PPP2R5A: variants seen among roughly 807,000 people sequenced by gnomAD.
The protein encoded by PPP2R5A is protein phosphatase 2 regulatory subunit B'alpha, also known as serine/threonine-protein phosphatase 2A 56 kDa regulatory subunit alpha isoform.
In PPP2R5A, 25 loss-of-function variants were observed where a neutral mutation model predicts 64.2. The ratio of observed to expected loss-of-function variants is 0.39; its 90% confidence interval spans 0.28 to 0.54. PPP2R5A has a LOEUF of 0.54. Ranked by LOEUF, PPP2R5A falls within the 20% of genes least tolerant of loss-of-function variation. PPP2R5A has a pLI of 0.67. For synonymous variants in PPP2R5A, 198 were observed against 201.2 expected, an observed-to-expected ratio of 0.98 and a Z score of 0.13; for missense variants, 425 against 576.3, an observed-to-expected ratio of 0.74 and a Z score of 2.69.
intron 11 of PPP2R5A, among the ~76,000 whole-genome samples, chr1:212,357,676 G>A (rs980630586): frequency 2.0e-4 from 31 of 152,056 alleles, no homozygotes; most frequent in East Asian, 1.9e-4. Context: ...GGTGGCGGGC[G>A]CCTGTGGTCC....
At chr1:212,300,521 A>G (rs1658783191) in intron 1 of PPP2R5A, among the ~76,000 whole-genome samples, 1 of 152,228 alleles carries the variant, frequency 6.6e-6, no homozygotes. Context: ...TAACAATGGT[A>G]GAAAGTAAAA....
intron 1 of PPP2R5A, among the ~76,000 whole-genome samples, chr1:212,301,563 C>T (rs778568521): frequency 2.6e-5 from 4 of 152,128 alleles, no homozygotes; most frequent in Admixed American, 6.5e-5. Flanking sequence ...AATCACAGAA[C>T]CTTAATAAGT....
At chr1:212,322,166 G>GGGGAGACCGTGGAAAGAGAGGGAGA (rs1453581900) in intron 1 of PPP2R5A, among the ~76,000 whole-genome samples, 1 of 150,320 alleles carries the variant, frequency 6.7e-6, no homozygotes, top group East Asian at 2.0e-4. Flanking sequence ...TCAGCATCAG[G>GGGGAGACCGTGGAAAGAGAGGGAGA]GGGAGACCGT....
chr1:212,288,872 T>TAC (rs10657699), intron 1 of PPP2R5A, among the ~76,000 whole-genome samples: 126,515 of 152,066 alleles, frequency 0.83, 53,053 homozygotes, highest in African/African-American at 0.94. Flanking sequence ...CTGCTTATGT[T>TAC]ACTTTGACCA....
At chr1:212,311,565 C>G (rs1328898169) in intron 1 of PPP2R5A, among the ~76,000 whole-genome samples, 1 of 151,566 alleles carries the variant, frequency 6.6e-6, no homozygotes, top group Non-Finnish European at 1.5e-5. Flanking sequence ...CTATTTTTAT[C>G]ATTATTTTAG....
chr1:212,341,797 C>G (rs370874096), intron 3 of PPP2R5A, among the ~76,000 whole-genome samples: 1 of 151,994 alleles, frequency 6.6e-6, no homozygotes. Context: ...TGCAGTGGTA[C>G]GGCACAGTCA....
chr1:212,316,097 A>G (rs1177565181), intron 1 of PPP2R5A, among the ~76,000 whole-genome samples: 2 of 152,200 alleles, frequency 1.3e-5, no homozygotes, highest in Admixed American at 6.5e-5. Context: ...GATTAGGCCA[A>G]TTAAATACCT....
chr1:212,333,401 C>CTT (rs1376325333), intron 2 of PPP2R5A, 96 bp from the exon 3 acceptor site: 1 of 740,136 alleles, frequency 1.4e-6, no homozygotes, highest in Non-Finnish European at 2.0e-6. Context: ...ACAGCTATAA[C>CTT]TTTTTTCTGA....
intron 1 of PPP2R5A, among the ~76,000 whole-genome samples, chr1:212,321,383 C>T (rs1338530985): frequency 3.3e-5 from 5 of 151,928 alleles, no homozygotes; most frequent in Admixed American, 2.0e-4. Context: ...CCCCACCTCC[C>T]TCCCAGACGG....
At chr1:212,303,602 G>A (rs1287849834) in intron 1 of PPP2R5A, among the ~76,000 whole-genome samples, 1 of 151,672 alleles carries the variant, frequency 6.6e-6, no homozygotes, top group Non-Finnish European at 1.5e-5. Flanking sequence ...TCATTTCTAA[G>A]GATCCTTTCC....
chr1:212,342,342 T>C lies in PPP2R5A; in HGVS notation c.573+62T>C. The C allele has an allele frequency of 1.1e-5, 17 of 1,553,126 alleles. No individual in the cohort carries two copies. In the South Asian group the frequency reaches 1.2e-4, roughly 11 times the overall value. ...ATCTTAGCAATGATTTATTAACTTA[T>C]TATTAAAATAGTGTAGTCTTTCAAA... On this transcript the variant is annotated intron_variant, in intron 4 of 12. Transcript: ENST00000261461.
At chr1:212,294,062 AT>A (rs1658650125) in intron 1 of PPP2R5A, among the ~76,000 whole-genome samples, 1 of 152,244 alleles carries the variant, frequency 6.6e-6, no homozygotes, top group Non-Finnish European at 1.5e-5. Context: ...TGAAACAAGA[AT>A]TTTTAAATGG....
chr1:212,339,946 C>T (rs1659658758), intron 3 of PPP2R5A, among the ~76,000 whole-genome samples: 1 of 142,196 alleles, frequency 7.0e-6, no homozygotes, highest in South Asian at 2.3e-4. Context: ...TAATTCCATA[C>T]CATCAACCTA....
Position 212,285,996 on chromosome 1 carries a change from C to CGGGGCGCA in PPP2R5A, c.-107_-100dup, listed in dbSNP as rs1399198849. On this transcript the variant is annotated 5_prime_UTR_variant, in exon 1 of 13. Transcript: ENST00000261461. ...TCCCGGGGCCGGAGGGCCGTGGGGC[C>CGGGGCGCA]GGGGCGCAGGGGCGCGAGCACCCCG... 17 of 1,132,536 alleles carry CGGGGCGCA rather than the reference C, an allele frequency of 1.5e-5. No individual in the cohort carries two copies. The highest frequency in any genetic ancestry group is 2.3e-5 in the South Asian group (1 of 44,088). 70.2% of individuals were successfully genotyped at this position (1,132,536 alleles called of 1,614,324 possible).
At chr1:212,319,587 GATTT>G (rs1659222607) in intron 1 of PPP2R5A, 1 of 150,524 alleles carries the variant, frequency 6.6e-6, no homozygotes, top group South Asian at 2.1e-4. Flanking sequence ...ACATTTAACA[GATTT>G]ATTATGTGTT....
chr1:212,292,077 A>G (rs1322019517), intron 1 of PPP2R5A, among the ~76,000 whole-genome samples: 1 of 152,210 alleles, frequency 6.6e-6, no homozygotes, highest in Non-Finnish European at 1.5e-5. Context: ...CTTGAACTTT[A>G]CTGCGTTTTT....
intron 1 of PPP2R5A, among the ~76,000 whole-genome samples, chr1:212,310,348 C>G (rs891132624): frequency 6.6e-5 from 10 of 151,968 alleles, no homozygotes; most frequent in African/African-American, 2.4e-4. Flanking sequence ...TCTGTATCCT[C>G]ATTGAATTTA....
rs781137772 is a variant in PPP2R5A, at chr1:212,286,062, C to G, written c.-49C>G. 8 of 1,479,906 alleles carry G rather than the reference C, an allele frequency of 5.4e-6. No homozygotes were observed. The highest frequency in any genetic ancestry group is 1.5e-5 in the African/African-American group (1 of 68,400). 91.7% of individuals were successfully genotyped at this position (1,479,906 alleles called of 1,614,324 possible). The stretch of plus-strand genomic sequence containing the variant: ...TCCTCCTGCCGTCTCCGCCGCTGCC[C>G]GTGCCTTGCAAGCAGCAGCCGGAGC... On this transcript the variant is annotated 5_prime_UTR_variant, in exon 1 of 13. Transcript: ENST00000261461.
At chr1:212,335,407 G>A (rs889822832) in intron 3 of PPP2R5A, among the ~76,000 whole-genome samples, 8 of 151,674 alleles carry the variant, frequency 5.3e-5, no homozygotes, top group African/African-American at 9.7e-5. Context: ...CCCAGGAGGC[G>A]GAGGTTGTGG....
Sources: gnomAD v4.1 joint callset for allele counts (sites outside exome capture counted in the v4.1 genomes callset) on GRCh38, gnomAD v4.1.1 for gene constraint, MANE v1.5 for transcripts, NCBI Gene and HGNC (gene_info 2026-07-23, HGNC 2026-07-21) for gene names.